Variants in DUOX2 observed in about 807,000 individuals in gnomAD.
DUOX2 encodes NADH/NADPH thyroid oxidase p138-tox.
In DUOX2, 185 loss-of-function variants were observed where a neutral mutation model predicts 183.3. That is an observed-to-expected ratio of 1.01 (90% CI 0.90 to 1.14). DUOX2 has a LOEUF of 1.14. Ranked by LOEUF, DUOX2 falls within the 50% of genes most tolerant of loss-of-function variation. The pLI is 0.00. For synonymous variants in DUOX2, 788 were observed against 812.4 expected (o/e 0.97, Z 0.51); for missense variants, 1,999 against 2,022.9 (o/e 0.99, Z 0.23).
rs376623263 is a variant in DUOX2, at chr15:45,094,682, C to T, written c.4405G>A (p.Glu1469Lys). Residue 1469 changes from glutamate (E) to lysine (K), a missense_variant, in exon 33 of 34, where the codon GAG becomes AAG. Physicochemically the swap from Glu to Lys is moderately conservative, Grantham distance 56. Coordinates refer to ENST00000389039, the MANE Select transcript of DUOX2 (RefSeq NM_001363711.2). ...DLRTTMLYIC[E>K]RHFQKVLNRS... is the part of the protein sequence containing the mutation. ...TTCAGCACTTTCTGGAAGTGCCGCT[C>T]GCAGATGTACTGGGGGCACAGGGGC... is the stretch of plus-strand genomic sequence containing the variant. 46 of 1,614,000 alleles carry T rather than the reference C, an allele frequency of 2.9e-5. No homozygotes were observed. In the South Asian group the frequency reaches 4.1e-4, roughly 14 times the overall value.
Position 45,094,993 on chromosome 15 carries a change from A to C in DUOX2, c.4338T>G (p.Ser1446=). The C allele has an allele frequency of 6.2e-7, 1 of 1,614,196 alleles. No individual in the cohort carries two copies. ...CCAGCTGGGTGACATAAATGTGCACAGACACCAGGTCCTGGTGGTCGTTCT... is the reference window on the plus strand; with the variant it reads ...CCAGCTGGGTGACATAAATGTGCACCGACACCAGGTCCTGGTGGTCGTTCT... The part of the protein sequence containing the change: ...VEENDHQDLV[S]VHIYVTQLAE... The change falls in exon 32 of 34, where the codon TCT becomes TCG. Residue 1446 remains serine (S), a synonymous_variant. Coordinates refer to ENST00000389039, the MANE Select transcript of DUOX2 (RefSeq NM_001363711.2).
In DUOX2 at chr15:45,099,803, A is replaced by G; in HGVS notation, c.3274T>C (p.Phe1092Leu). Residue 1092 changes from phenylalanine to leucine, a missense_variant, in exon 25 of 34, where the codon TTC (phenylalanine) becomes CTC (leucine). Around this residue, in one of 3 missense-constraint regions of DUOX2, gnomAD observed 1,628 missense variants for 1,608.6 expected, o/e 1.01. Transcript: ENST00000389039. Reference protein sequence around the residue: ...LSRGTAASVSFMFSYILLTMC... With the variant: ...LSRGTAASVSLMFSYILLTMC... ...GTGAGCAAGATATAAGAGAACATGA[A>G]GGAGACGCTGGCCGCCGTGCCTCGT... The G allele has an allele frequency of 6.2e-7, 1 of 1,614,196 alleles. No individual in the cohort carries two copies.
intron 31 of DUOX2, 37 bp from the exon 32 acceptor site, chr15:45,095,128 G>T (rs781735622): frequency 6.2e-6 from 10 of 1,602,226 alleles, no homozygotes; most frequent in East Asian, 4.5e-5. Context: ...ACCCAGCTCA[G>T]TTCAGCCTCC....
intron 3 of DUOX2, 91 bp downstream of exon 3, chr15:45,112,896 C>T (rs1453803340): frequency 6.4e-7 from 1 of 1,554,000 alleles, no homozygotes; most frequent in Non-Finnish European, 8.8e-7. Context: ...CTGCTGGGCG[C>T]GTGTTCCCCG....
At chr15:45,097,830 C>T in intron 27 of DUOX2, 89 bp from the exon 28 acceptor site, 1 of 1,604,104 alleles carries the variant, frequency 6.2e-7, no homozygotes, top group Non-Finnish European at 8.5e-7. Context: ...TCCTTCCCTC[C>T]TTCCTCTCTC....
Position 45,110,471 on chromosome 15 carries a change from C to T in DUOX2, c.997G>A (p.Glu333Lys). 1 of 1,614,186 alleles carries T rather than the reference C, an allele frequency of 6.2e-7. No homozygotes were observed. Among genetic ancestry groups the T allele is most frequent in the South Asian group, 1.1e-5 (1 of 91,088 alleles). The change falls in exon 9 of 34, where the codon GAG (glutamate) becomes AAG (lysine). Residue 333 changes from glutamate to lysine, a missense_variant. By Grantham distance (56) the Glu-to-Lys change is moderately conservative. Around this residue, in one of 3 missense-constraint regions of DUOX2, gnomAD observed 1,628 missense variants for 1,608.6 expected, o/e 1.01. Transcript: ENST00000389039. ...SISPEFVVASEQFFSTMVPPG... is the reference protein window; with the variant it reads ...SISPEFVVASKQFFSTMVPPG... Reference sequence around the variant, plus strand: ...GGCACCATGGTAGAGAAGAACTGCTCAGAGGCCACCACAAATTCCGGGGAG... The same window carrying T: ...GGCACCATGGTAGAGAAGAACTGCTTAGAGGCCACCACAAATTCCGGGGAG...
intron 33 of DUOX2, 26 bp from the exon 34 acceptor site, chr15:45,094,298 G>T: frequency 6.2e-7 from 1 of 1,614,016 alleles, no homozygotes; most frequent in Non-Finnish European, 8.5e-7. Flanking sequence ...AGAGAGAGAG[G>T]GGCCTGCAGC....
At position 45,106,603 on chromosome 15, in the gene DUOX2, C is replaced by T; in HGVS notation, c.1870G>A (p.Gly624Ser). The T allele has an allele frequency of 7.4e-6, 12 of 1,614,130 alleles. No individual in the cohort carries two copies. Among genetic ancestry groups the T allele is most frequent in the Non-Finnish European group, 1.0e-5 (12 of 1,180,042 alleles). The change falls in exon 16 of 34, where the codon GGC (glycine) becomes AGC (serine). Residue 624 changes from glycine to serine, a missense_variant. Coordinates refer to ENST00000389039, the MANE Select transcript of DUOX2 (RefSeq NM_001363711.2). ...LLSGVVAYFR[G>S]REHKKLQKKL... is the part of the protein sequence containing the mutation. ...TTTTGTAGCTTCTTGTGTTCTCGGC[C>T]CCGGAAATAGGCCACCACTCCAGAG...
intron 13 of DUOX2, among the ~76,000 whole-genome samples, 178 bp downstream of exon 13, chr15:45,107,869 A>AAAAG (rs1435140355): frequency 9.6e-5 from 1 of 10,458 alleles, no homozygotes; most frequent in Admixed American, 1.3e-3. Flanking sequence ...AAAAAAAAAA[A>AAAAG]AAAGAAAAAG....
chr15:45,101,510 AAG>A (rs1894080414), intron 21 of DUOX2: 3 of 627,800 alleles, frequency 4.8e-6, no homozygotes, highest in African/African-American at 1.8e-5. Flanking sequence ...CTTTGTGTAA[AAG>A]AAACAATGCC....
intron 22 of DUOX2, 107 bp downstream of exon 22, chr15:45,101,098 G>C: frequency 1.9e-6 from 2 of 1,043,402 alleles, no homozygotes; most frequent in South Asian, 1.3e-5. Context: ...TACTTTCAAA[G>C]GGCAAATGCC....
chr15:45,100,017 C>T (rs1566972930), intron 24 of DUOX2, 33 bp downstream of exon 24: 2 of 1,614,060 alleles, frequency 1.2e-6, no homozygotes, highest in Admixed American at 1.7e-5. Context: ...AGAGCCTGCT[C>T]CCTACCCACT....
chr15:45,111,554 C>T lies in DUOX2; in HGVS notation c.545G>A (p.Ser182Asn). Residue 182 changes from serine to asparagine, a missense_variant, in exon 6 of 34, where the codon AGC (serine) becomes AAC (asparagine). By Grantham distance (46) the Ser-to-Asn change is conservative. Coordinates refer to ENST00000389039, the MANE Select transcript of DUOX2 (RefSeq NM_001363711.2). ...ANQVTGWLDG[S>N]AIYGSSHSWS... is the part of the protein sequence containing the mutation. The stretch of plus-strand genomic sequence containing the variant: ...GGAGTGCGAGGAGCCATAGATGGCG[C>T]TGCCGTCCAGCCAGCCCGTCACCTG... 1.0e-5 allele frequency: 16 copies of T among 1,551,456 alleles called. No homozygotes were observed. The highest frequency in any genetic ancestry group is 1.4e-5 in the Non-Finnish European group (16 of 1,152,354).
intron 20 of DUOX2, among the ~76,000 whole-genome samples, chr15:45,102,404 G>A (rs936029587): frequency 2.6e-5 from 4 of 152,172 alleles, no homozygotes; most frequent in Non-Finnish European, 4.4e-5. Flanking sequence ...TGCCAGGGAG[G>A]GGAACTAGCT....
At chr15:45,101,745 G>C in intron 21 of DUOX2, 48 bp downstream of exon 21, 1 of 1,613,004 alleles carries the variant, frequency 6.2e-7, no homozygotes, top group Non-Finnish European at 8.5e-7. Context: ...CTCTCATTTT[G>C]AGGACACGCC....
chr15:45,109,640 A>G lies in DUOX2; in HGVS notation c.1132-14T>C, dbSNP rs1894324408. The stretch of plus-strand genomic sequence containing the variant: ...CAGATTGGGGTTCTGGAAGTAAACA[A>G]TGCACTCAAGATAGGCCTCTACCCA... On this transcript the variant is annotated splice_polypyrimidine_tract_variant and intron_variant, in intron 10 of 33. Transcript: ENST00000389039. The G allele has an allele frequency of 2.5e-6, 4 of 1,613,478 alleles. No homozygotes were observed. In the East Asian group the frequency reaches 6.7e-5, roughly 27 times the overall value.
intron 23 of DUOX2, 195 bp downstream of exon 23, chr15:45,100,560 T>C: frequency 1.5e-6 from 1 of 660,940 alleles, no homozygotes. Context: ...CCAGGACCCT[T>C]GCCTGAAGAA....
rs201798906 is a variant in DUOX2, at chr15:45,095,810, G to T, written c.4080+18C>A. ...CCAGTGCCAGAGGCCCGGAAGCAGG[G>T]TTCCCAGTGACGGGCACCTTTGGGT... On this transcript the variant is annotated intron_variant, in intron 30 of 33. Transcript: ENST00000389039. 6.5e-5 allele frequency: 104 copies of T among 1,608,334 alleles called. No individual in the cohort carries two copies. The Admixed American group carries it at 1.2e-3, about 19-fold the overall frequency.
Position 45,094,456 on chromosome 15 carries a change from A to G in DUOX2, c.4524+107T>C, listed in dbSNP as rs1403821273. 4 of 1,533,472 alleles carry G rather than the reference A, an allele frequency of 2.6e-6. 1 individual carries two copies. Among genetic ancestry groups the G allele is most frequent in the Non-Finnish European group, 3.5e-6 (4 of 1,129,734 alleles). The allele number at this position is 1,533,472 out of a possible 1,614,324, so 95.0% of individuals were successfully genotyped here. On this transcript the variant is annotated intron_variant, in intron 33 of 33. Transcript: ENST00000389039. ...AGCTGACCTCATCCTGGGGCCAGGC[A>G]ATCGGGTGGAGTTCTCTGCTCAGAA... is the stretch of plus-strand genomic sequence containing the variant.
Sources: gnomAD v4.1 joint callset for allele counts (sites outside exome capture counted in the v4.1 genomes callset) on GRCh38, gnomAD v4.1.1 for gene constraint, gnomAD v4.1.1 regional missense constraint, MANE v1.5 for transcripts, NCBI Gene and HGNC (gene_info 2026-07-23, HGNC 2026-07-21) for gene names.